Variants in SYNPR observed in about 807,000 individuals in gnomAD.
SYNPR encodes the protein synaptoporin.
In SYNPR, 23 loss-of-function variants were observed where a neutral mutation model predicts 32.9. The observed-to-expected ratio is 0.70, with a 90% CI of 0.50 to 0.99. The LOEUF (loss-of-function observed/expected upper bound fraction) is 0.99. SYNPR is among the 50% of genes least tolerant of loss of function. The probability of loss-of-function intolerance (pLI) is 0.00; values close to 1 mark genes in which losing one functional copy is unlikely to be tolerated. For synonymous variants in SYNPR, 146 were observed against 135.9 expected (o/e 1.07, Z -0.52); for missense variants, 318 against 349.3 (o/e 0.91, Z 0.71).
chr3:63,320,219 A>G (rs978789089), intron 2 of SYNPR, among the ~76,000 whole-genome samples: 2 of 152,000 alleles, frequency 1.3e-5, no homozygotes, highest in African/African-American at 4.8e-5. Flanking sequence ...CCCAAGTGCT[A>G]GGATTATAGG....
intron 5 of SYNPR, 32 bp downstream of exon 5, chr3:63,609,348 A>T (rs1700167166): frequency 7.6e-6 from 11 of 1,452,542 alleles, no homozygotes; most frequent in Admixed American, 3.0e-5. Flanking sequence ...TTTACTGTTC[A>T]TATCTTTGTT....
Position 63,555,967 on chromosome 3 carries a change from C to T in SYNPR, c.210-576C>T, listed in dbSNP as rs374922555. Among the ~76,000 whole-genome samples the T allele has an allele frequency of 5.3e-5, 8 of 152,280 alleles. No individual in the cohort carries two copies. The East Asian group carries it at 1.5e-3, about 29-fold the overall frequency. Reference sequence around the variant, plus strand: ...TTTTGATTAATGGCAGGAAAAGGCTCTCATCTCTCAGGAGATGTTGAGCTG... The same window carrying T: ...TTTTGATTAATGGCAGGAAAAGGCTTTCATCTCTCAGGAGATGTTGAGCTG... On this transcript the variant is annotated intron_variant, in intron 3 of 5. Transcript: ENST00000478300.
chr3:63,266,330 G>A (rs2086484928), intron 2 of SYNPR, among the ~76,000 whole-genome samples: 1 of 151,760 alleles, frequency 6.6e-6, no homozygotes, highest in Admixed American at 6.6e-5. Flanking sequence ...TTCAAATGTT[G>A]AAAACTCAGG....
chr3:63,319,043 C>T (rs546089489), intron 2 of SYNPR, among the ~76,000 whole-genome samples: 36 of 152,150 alleles, frequency 2.4e-4, no homozygotes, highest in African/African-American at 7.9e-4. Context: ...GGTCTAGCCA[C>T]CCAGCGAGTC....
In SYNPR at chr3:63,539,529, C is replaced by A. The variant is rs534517340; in HGVS notation, c.210-17014C>A. Among the ~76,000 whole-genome samples, 3 of 152,170 alleles carry A rather than the reference C, an allele frequency of 2.0e-5. No homozygotes were observed. The East Asian group carries it at 5.8e-4, about 30-fold the overall frequency. On this transcript the variant is annotated intron_variant, in intron 3 of 5. Coordinates refer to ENST00000478300, the MANE Select transcript of SYNPR (RefSeq NM_001130003.2). ...ATTGAATGTAGATCCTCAAAACATG[C>A]CAAGCAATACAGAGCCACAAAAGAA...
At chr3:63,308,912 A>C (rs979521475) in intron 2 of SYNPR, among the ~76,000 whole-genome samples, 1 of 151,920 alleles carries the variant, frequency 6.6e-6, no homozygotes, top group African/African-American at 2.4e-5. Flanking sequence ...TATAGTTTTC[A>C]TCAAGTTTTG....
At chr3:63,550,001 C>T (rs377014639) in intron 3 of SYNPR, 139 of 152,176 alleles carry the variant, frequency 9.1e-4, no homozygotes, top group African/African-American at 3.2e-3. Context: ...AGCAATTGCT[C>T]GCCGACTAGT....
At chr3:63,536,923 G>A (rs1014169058) in intron 3 of SYNPR, among the ~76,000 whole-genome samples, 5 of 152,002 alleles carry the variant, frequency 3.3e-5, no homozygotes, top group African/African-American at 1.2e-4. Flanking sequence ...AAGTAGATTA[G>A]AATTTCCAGG....
At chr3:63,369,591 TA>T (rs2087770660) in intron 2 of SYNPR, among the ~76,000 whole-genome samples, 1 of 152,236 alleles carries the variant, frequency 6.6e-6, no homozygotes, top group African/African-American at 2.4e-5. Context: ...TCCAATGCTT[TA>T]AAGTTTGGAA....
In SYNPR at chr3:63,330,709, G is replaced by A. The variant is rs568116094; in HGVS notation, c.84+51967G>A. The stretch of plus-strand genomic sequence containing the variant: ...TAATCTATGTATGAGCCCTATAAAA[G>A]AGGAATTATTATTATTGTTACTATT... On this transcript the variant is annotated intron_variant, in intron 2 of 5. Transcript: ENST00000478300. Among the ~76,000 whole-genome samples, 4 of 152,172 alleles carry A rather than the reference G, an allele frequency of 2.6e-5. No individual in the cohort carries two copies. In the East Asian group the frequency reaches 5.8e-4, roughly 22 times the overall value.
At chr3:63,367,118 C>T (rs925297708) in intron 2 of SYNPR, among the ~76,000 whole-genome samples, 1 of 152,160 alleles carries the variant, frequency 6.6e-6, no homozygotes, top group Non-Finnish European at 1.5e-5. Flanking sequence ...TCTCCTAGCA[C>T]TTTTGGGGTT....
intron 2 of SYNPR, among the ~76,000 whole-genome samples, chr3:63,470,711 C>G (rs1413676608): frequency 6.6e-6 from 1 of 152,104 alleles, no homozygotes; most frequent in Non-Finnish European, 1.5e-5. Context: ...TCCTCTTGCC[C>G]ACCTCCCCTA....
At chr3:63,466,641 A>G (rs752053170) in intron 2 of SYNPR, among the ~76,000 whole-genome samples, 4 of 146,746 alleles carry the variant, frequency 2.7e-5, no homozygotes, top group Non-Finnish European at 4.4e-5. Context: ...TGGGTGGTTT[A>G]AAGAACAGAA....
chr3:63,509,119 T>C (rs566433294), intron 3 of SYNPR, among the ~76,000 whole-genome samples: 249 of 150,214 alleles, frequency 1.7e-3, no homozygotes, highest in South Asian at 7.1e-3. Flanking sequence ...TATATATATA[T>C]ACACACACAC....
chr3:63,536,785 T>C (rs950782091), intron 3 of SYNPR, among the ~76,000 whole-genome samples: 1 of 152,132 alleles, frequency 6.6e-6, no homozygotes, highest in African/African-American at 2.4e-5. Flanking sequence ...GAATATTATT[T>C]AGCAATATAA....
chr3:63,257,640 C>G (rs1415023967), intron 2 of SYNPR, among the ~76,000 whole-genome samples: 4 of 152,112 alleles, frequency 2.6e-5, no homozygotes, highest in African/African-American at 4.8e-5. Context: ...ACCATTGAGG[C>G]TAGGAAGAAA....
intron 3 of SYNPR, among the ~76,000 whole-genome samples, chr3:63,273,180 C>T (rs982497324): frequency 6.6e-6 from 1 of 152,058 alleles, no homozygotes; most frequent in African/African-American, 2.4e-5. Flanking sequence ...GTTTATGTTT[C>T]GGCAAGAAAA....
chr3:63,570,006 A>T (rs72889210), intron 4 of SYNPR, among the ~76,000 whole-genome samples: 6,735 of 152,248 alleles, frequency 0.044, 518 homozygotes, highest in African/African-American at 0.15. Context: ...ACCCAAAGTT[A>T]AGCCATCTTC....
intron 4 of SYNPR, among the ~76,000 whole-genome samples, chr3:63,559,767 A>C (rs1003805581): frequency 6.6e-6 from 1 of 152,000 alleles, no homozygotes; most frequent in Non-Finnish European, 1.5e-5. Context: ...TATCTTTAAC[A>C]GAGTCACCAA....
Sources: allele counts gnomAD v4.1 joint callset (sites outside exome capture counted in the v4.1 genomes callset), GRCh38; gene constraint gnomAD v4.1.1; transcripts MANE v1.5; gene names NCBI Gene and HGNC (gene_info 2026-07-23, HGNC 2026-07-21).